The following OR11A1 variants were observed in gnomAD, a reference collection of about 807,000 sequenced individuals.
OR11A1 encodes olfactory receptor family 11 subfamily A member 1.
For synonymous variants in OR11A1, 158 were observed against 152.2 expected, an observed-to-expected ratio of 1.04 and a Z score of -0.28; for missense variants, 380 against 378.2, an observed-to-expected ratio of 1.00 and a Z score of -0.04.
At chr6:29,450,739 C>T (rs1785281164) in intron 1 of OR11A1, among the ~76,000 whole-genome samples, 1 of 152,122 alleles carries the variant, frequency 6.6e-6, no homozygotes, top group South Asian at 2.1e-4. Flanking sequence ...AAAAAACATT[C>T]CATGTTCATG....
In OR11A1 at chr6:29,447,264, A is replaced by C. The variant is rs146415695; in HGVS notation, c.-389+9723T>G. Reference sequence around the variant, plus strand: ...CAAGGGTAAAAATACTGCCCTAGGCAATCATGATGCCTCTTATTTACTGCC... The same window carrying C: ...CAAGGGTAAAAATACTGCCCTAGGCCATCATGATGCCTCTTATTTACTGCC... On this transcript the variant is annotated intron_variant, in intron 1 of 4. Transcript: ENST00000377149. Among the ~76,000 whole-genome samples, 1,218 of 152,348 alleles carry C rather than the reference A, an allele frequency of 8.0e-3. 14 individuals carry two copies. Among genetic ancestry groups the C allele is most frequent in the East Asian group, 0.025 (131 of 5,190 alleles).
At chr6:29,444,777 C>T (rs1160825461) in intron 1 of OR11A1, among the ~76,000 whole-genome samples, 2 of 152,124 alleles carry the variant, frequency 1.3e-5, no homozygotes, top group Non-Finnish European at 2.9e-5. Flanking sequence ...TGAGTCTTCC[C>T]CCACTGTATT....
At chr6:29,451,541 G>T (rs887584204) in intron 1 of OR11A1, among the ~76,000 whole-genome samples, 1 of 151,954 alleles carries the variant, frequency 6.6e-6, no homozygotes, top group African/African-American at 2.4e-5. Context: ...GAACAGACAC[G>T]TCTCAAAAGA....
At chr6:29,439,931 G>A in intron 1 of OR11A1, 3 of 989,074 alleles carry the variant, frequency 3.0e-6, no homozygotes, top group Non-Finnish European at 1.5e-6. Flanking sequence ...GCAGAGAGAG[G>A]TCATCTTTGC....
rs765365352 is a variant in OR11A1 at position 29,427,519 on chromosome 6, G to A, written c.123C>T (p.Ile41=). The A allele has an allele frequency of 5.6e-6, 9 of 1,612,934 alleles. No homozygotes were observed. Among genetic ancestry groups the A allele is most frequent in the African/African-American group, 1.3e-5 (1 of 74,912 alleles). Reference sequence around the variant, plus strand: ...CTACAATAATCAGCATATTCCCTATGATGATGAAGACATAGACAGCAGTGA... The same window carrying A: ...CTACAATAATCAGCATATTCCCTATAATGATGAAGACATAGACAGCAGTGA... ...IVFTAVYVFI[I]IGNMLIIVAV... Residue 41 remains isoleucine, a synonymous_variant, in exon 5 of 5, where the codon ATC becomes ATT. Coordinates refer to ENST00000377149, the MANE Select transcript of OR11A1 (RefSeq NM_001394828.1).
chr6:29,438,946 G>A (rs1783869314), intron 1 of OR11A1, among the ~76,000 whole-genome samples: 1 of 152,228 alleles, frequency 6.6e-6, no homozygotes, highest in African/African-American at 2.4e-5. Context: ...CCCCAGAGGA[G>A]AATGAACCAA....
intron 1 of OR11A1, among the ~76,000 whole-genome samples, chr6:29,437,629 G>T (rs75354465): frequency 0.097 from 14,808 of 152,068 alleles, 1,345 homozygotes; most frequent in African/African-American, 0.23. Flanking sequence ...TTAAAGACAT[G>T]GATATTTTTT....
chr6:29,452,248 CA>C (rs1281916675), intron 1 of OR11A1, among the ~76,000 whole-genome samples: 5 of 152,036 alleles, frequency 3.3e-5, no homozygotes, highest in Non-Finnish European at 5.9e-5. Flanking sequence ...ACCTAGGTGA[CA>C]AAATCATTTG....
chr6:29,439,936 CTT>C, intron 1 of OR11A1: 1 of 1,073,138 alleles, frequency 9.3e-7, no homozygotes, highest in Non-Finnish European at 1.4e-6. Flanking sequence ...GAGAGGTCAT[CTT>C]TGCCCATTTC....
intron 1 of OR11A1, chr6:29,439,706 G>T (rs1439012589): frequency 2.4e-6 from 1 of 409,570 alleles, no homozygotes; most frequent in East Asian, 4.0e-5. Flanking sequence ...TTAATCTTCA[G>T]CCCAGGTAAA....
chr6:29,429,391 T>C (rs549057004), intron 3 of OR11A1, among the ~76,000 whole-genome samples: 58 of 152,324 alleles, frequency 3.8e-4, no homozygotes, highest in Non-Finnish European at 6.0e-4. Flanking sequence ...CTCCCAATCA[T>C]GTACTAAGGA....
At chr6:29,439,407 A>G (rs1422413639) in intron 1 of OR11A1, 1 of 152,360 alleles carries the variant, frequency 6.6e-6, no homozygotes, top group Non-Finnish European at 1.5e-5. Context: ...GTTTAATGCT[A>G]TAGGAGCTTA....
chr6:29,443,613 C>T (rs1784427235), intron 1 of OR11A1, among the ~76,000 whole-genome samples: 1 of 152,106 alleles, frequency 6.6e-6, no homozygotes, highest in South Asian at 2.1e-4. Flanking sequence ...GTTCTATGAA[C>T]ATTTGTGTAC....
intron 1 of OR11A1, among the ~76,000 whole-genome samples, chr6:29,433,334 T>A (rs2151369489): frequency 6.6e-6 from 1 of 152,266 alleles, no homozygotes; most frequent in Admixed American, 6.5e-5. Flanking sequence ...TCTTCTCAAT[T>A]TTCTCCCTTT....
chr6:29,428,729 C>T (rs1783042150), intron 4 of OR11A1, among the ~76,000 whole-genome samples, 184 bp downstream of exon 4: 1 of 138,866 alleles, frequency 7.2e-6, no homozygotes, highest in Non-Finnish European at 1.5e-5. Context: ...TGCACCCCAG[C>T]CTGGGCAATA....
At chr6:29,450,591 A>C (rs146145247) in intron 1 of OR11A1, 24 of 152,310 alleles carry the variant, frequency 1.6e-4, no homozygotes, top group African/African-American at 4.8e-4. Context: ...TCAACAGTGC[A>C]ATTACATTCA....
intron 1 of OR11A1, among the ~76,000 whole-genome samples, chr6:29,433,156 A>G (rs1173338688): frequency 6.6e-6 from 1 of 152,172 alleles, no homozygotes; most frequent in Non-Finnish European, 1.5e-5. Context: ...AATTTACATG[A>G]ACCATTACCT....
At chr6:29,455,254 C>T (rs1018116025) in intron 1 of OR11A1, among the ~76,000 whole-genome samples, 1 of 152,046 alleles carries the variant, frequency 6.6e-6, no homozygotes, top group Admixed American at 6.6e-5. Flanking sequence ...TAGCACAGTG[C>T]ATTTATTTGA....
chr6:29,456,390 G>A (rs1053815179), intron 1 of OR11A1, among the ~76,000 whole-genome samples: 8 of 150,886 alleles, frequency 5.3e-5, no homozygotes, highest in Admixed American at 5.3e-4. Flanking sequence ...GGCGCCTGTA[G>A]TCCCAGCTAT....
Sources: gnomAD v4.1 joint callset for allele counts (sites outside exome capture counted in the v4.1 genomes callset) on GRCh38, gnomAD v4.1.1 for gene constraint, MANE v1.5 for transcripts, NCBI Gene and HGNC (gene_info 2026-07-23, HGNC 2026-07-21) for gene names.